The following PIK3R6 variants were observed in gnomAD, a reference collection of about 807,000 sequenced individuals.
The protein encoded by PIK3R6 is phosphoinositide 3-kinase regulatory subunit 6.
PIK3R6 carries 91 observed loss-of-function variants against 84.9 expected under a neutral mutation model. The ratio of observed to expected loss-of-function variants is 1.07; its 90% CI spans 0.90 to 1.28. The LOEUF (loss-of-function observed/expected upper bound fraction) is 1.28. Among genes scored for constraint, PIK3R6 ranks in the 50% most tolerant of loss-of-function variants. The probability of loss-of-function intolerance (pLI) is 0.00; values close to 1 mark genes in which losing one functional copy is unlikely to be tolerated. For missense variants in PIK3R6, 996 were observed against 985.1 expected (o/e 1.01, Z -0.15); for synonymous variants, 416 against 411.4 (o/e 1.01, Z -0.13).
In PIK3R6 at chr17:8,851,359, G is replaced by A. The variant is rs190809436; in HGVS notation, c.-91-1474C>T. 9.5e-3 allele frequency among the ~76,000 whole-genome samples: 1,451 copies of A among 152,216 alleles called. 15 individuals are homozygous for A. Among genetic ancestry groups the A allele is most frequent in the Middle Eastern group, 0.014 (4 of 294 alleles). On this transcript the variant is annotated intron_variant, in intron 1 of 19. Coordinates refer to ENST00000619866, the MANE Select transcript of PIK3R6 (RefSeq NM_001010855.4). The stretch of plus-strand genomic sequence containing the variant: ...AAAAATACAAAAATTAGCCGGGCGT[G>A]GTGGTGGGCGCCTGTAGTCCCAGCT...
intron 5 of PIK3R6, 136 bp from the exon 6 acceptor site, chr17:8,837,059 A>C (rs1597415187): frequency 1.5e-6 from 1 of 667,758 alleles, no homozygotes; most frequent in South Asian, 1.8e-5. Flanking sequence ...TAACAGCCAG[A>C]CCTGGGCTCA....
chr17:8,845,844 C>T (rs141728567), intron 2 of PIK3R6, among the ~76,000 whole-genome samples: 81 of 152,194 alleles, frequency 5.3e-4, no homozygotes, highest in Non-Finnish European at 8.2e-4. Flanking sequence ...AGCTGAGGCA[C>T]GAGAATCGCT....
chr17:8,829,203 G>GCA (rs201003788), intron 10 of PIK3R6, among the ~76,000 whole-genome samples: 6 of 128,796 alleles, frequency 4.7e-5, no homozygotes, highest in East Asian at 2.1e-4. Context: ...ACACACACGT[G>GCA]CACACACACA....
chr17:8,822,805 G>A lies in PIK3R6; in HGVS notation c.1718-148C>T, dbSNP rs566134843. On this transcript the variant is annotated intron_variant, in intron 15 of 19. Coordinates refer to ENST00000619866, the MANE Select transcript of PIK3R6 (RefSeq NM_001010855.4). The stretch of plus-strand genomic sequence containing the variant: ...GAAAGGTGACACCTCCGGGGGCCAG[G>A]ATGCCTTTCAGTCTTGTGGGGGTTG... 8.0e-6 allele frequency: 8 copies of A among 998,788 alleles called. No individual in the cohort carries two copies. The African/African-American group carries it at 1.2e-4, about 14-fold the overall frequency. 61.9% of individuals were successfully genotyped at this position (998,788 alleles called of 1,614,324 possible). A position where few individuals can be genotyped will look rare whatever the true frequency, so the allele number is the denominator to read the frequency against.
chr17:8,809,340 T>TA (rs1163914222), intron 18 of PIK3R6, among the ~76,000 whole-genome samples: 1 of 152,128 alleles, frequency 6.6e-6, no homozygotes, highest in African/African-American at 2.4e-5. Context: ...CTCATTGTCA[T>TA]AAAAACACAA....
chr17:8,864,529 CTTTTTTTTTTTTTTT>C (rs35714531), intron 1 of PIK3R6, among the ~76,000 whole-genome samples: 6 of 65,596 alleles, frequency 9.1e-5, no homozygotes, highest in African/African-American at 2.8e-4. Flanking sequence ...CTTCACAGCT[CTTTTTTTTTTTTTTT>C]TTTTTTTTTT....
Position 8,819,177 on chromosome 17 carries a change from G to C in PIK3R6, c.1901C>G (p.Pro634Arg), listed in dbSNP as rs758093890. ...GTCTGTGACAGGAGCAGCAGGCAGG[G>C]GGCAATGGCTAGACCCTGAAACTGA... ...DTEVSGSSHC[P>R]LPAAPVTDHT... is the part of the protein sequence containing the mutation. Residue 634 changes from proline (P) to arginine (R), a missense_variant, in exon 18 of 20, where the codon CCC (proline) becomes CGC (arginine). Coordinates refer to ENST00000619866, the MANE Select transcript of PIK3R6 (RefSeq NM_001010855.4). 6.2e-7 allele frequency: 1 copy of C among 1,609,242 alleles called. No homozygotes were observed. Among genetic ancestry groups the C allele is most frequent in the Non-Finnish European group, 8.5e-7 (1 of 1,177,538 alleles).
rs1381434210 is a variant in PIK3R6 at position 8,862,540 on chromosome 17, C to T, written c.-92+4989G>A. ...TGAGAAGGACATTGTGCCTCACTGACCTGGCAGCTACCTCTGTCACCTGGG... is the reference window on the plus strand; with the variant it reads ...TGAGAAGGACATTGTGCCTCACTGATCTGGCAGCTACCTCTGTCACCTGGG... On this transcript the variant is annotated intron_variant, in intron 1 of 19. Transcript: ENST00000619866. The surrounding 1 kb of genome is among the most constrained non-coding windows in gnomAD (Gnocchi z 4.3). Among the ~76,000 whole-genome samples the T allele has an allele frequency of 6.6e-6, 1 of 152,102 alleles. No homozygotes were observed. The highest frequency in any genetic ancestry group is 6.5e-5 in the Admixed American group (1 of 15,274).
At chr17:8,827,387 G>T in intron 12 of PIK3R6, 93 bp from the exon 13 acceptor site, 1 of 1,409,820 alleles carries the variant, frequency 7.1e-7, no homozygotes, top group Non-Finnish European at 9.4e-7. Context: ...ATATGGTCAA[G>T]TCATTTAACC....
intron 7 of PIK3R6, among the ~76,000 whole-genome samples, chr17:8,836,045 T>C (rs1299630181): frequency 5.9e-5 from 9 of 152,056 alleles, no homozygotes; most frequent in Non-Finnish European, 1.0e-4. Context: ...GAGGTGCCGC[T>C]CCCAACTTCA....
chr17:8,809,353 A>G (rs1430128202), intron 18 of PIK3R6, among the ~76,000 whole-genome samples: 1 of 152,236 alleles, frequency 6.6e-6, no homozygotes, highest in Non-Finnish European at 1.5e-5. Flanking sequence ...AAACACAAGA[A>G]AGTATAAAAC....
intron 1 of PIK3R6, among the ~76,000 whole-genome samples, chr17:8,864,004 T>C (rs2089344392): frequency 6.6e-6 from 1 of 152,064 alleles, no homozygotes; most frequent in African/African-American, 2.4e-5. Flanking sequence ...GGGACAGCGT[T>C]TGGGGTGCAA....
At position 8,829,877 on chromosome 17, in the gene PIK3R6, G is replaced by A. The variant is rs1013506916; in HGVS notation, c.803-85C>T. On this transcript the variant is annotated intron_variant, in intron 9 of 19. Transcript: ENST00000619866. Reference sequence around the variant, plus strand: ...TCCCCATCCTGCCCAGCTCCTGTGCGGGGTCTTAGAGAGGTGGCAGGGACT... The same window carrying A: ...TCCCCATCCTGCCCAGCTCCTGTGCAGGGTCTTAGAGAGGTGGCAGGGACT... 7.5e-5 allele frequency: 85 copies of A among 1,127,078 alleles called. 1 individual carries two copies. The highest frequency in any genetic ancestry group is 9.5e-5 in the Non-Finnish European group (75 of 791,978). The allele number at this position is 1,127,078 out of a possible 1,614,324, so 69.8% of individuals were successfully genotyped here.
chr17:8,840,168 T>TATAC (rs59867022), intron 2 of PIK3R6, among the ~76,000 whole-genome samples: 18,111 of 95,116 alleles, frequency 0.19, 4,371 homozygotes, highest in Non-Finnish European at 0.22. Flanking sequence ...ATATGAAATA[T>TATAC]AGCCTCCAAA....
intron 5 of PIK3R6, 118 bp from the exon 6 acceptor site, chr17:8,837,041 G>C (rs1024972505): frequency 2.6e-6 from 2 of 773,312 alleles, no homozygotes; most frequent in African/African-American, 1.7e-5. Flanking sequence ...GAGGTGGAAG[G>C]TCAGGCCTAA....
intron 18 of PIK3R6, among the ~76,000 whole-genome samples, chr17:8,808,089 G>C (rs754068851): frequency 2.6e-5 from 4 of 152,168 alleles, no homozygotes; most frequent in Non-Finnish European, 4.4e-5. Context: ...AAAGGAAAGT[G>C]AGGAAGAGGA....
intron 11 of PIK3R6, 38 bp from the exon 12 acceptor site, chr17:8,828,228 G>A: frequency 6.3e-7 from 1 of 1,596,840 alleles, no homozygotes; most frequent in African/African-American, 1.3e-5. Context: ...GTTAGGGGCG[G>A]GGCTTGGCTT....
At chr17:8,854,378 A>G (rs1243177388) in intron 1 of PIK3R6, among the ~76,000 whole-genome samples, 1 of 152,042 alleles carries the variant, frequency 6.6e-6, no homozygotes, top group African/African-American at 2.4e-5. Context: ...TGAACTCCTG[A>G]CCTCGTTATC....
In PIK3R6 at chr17:8,838,590, G is replaced by T; in HGVS notation, c.163C>A (p.Arg55Ser). The change falls in exon 4 of 20, where the codon CGC becomes AGC. Residue 55 changes from arginine to serine, a missense_variant. By Grantham distance (110) the Arg-to-Ser change is moderately radical (BLOSUM62 -1). Coordinates refer to ENST00000619866, the MANE Select transcript of PIK3R6 (RefSeq NM_001010855.4). ...RDPGKSPVLV[R>S]ILLRELEKAE... The stretch of plus-strand genomic sequence containing the variant: ...TTCTCCAGTTCTCTGAGAAGAATGC[G>T]GACCAGCACTGGGCTCTTACCGGGA... 6.2e-7 allele frequency: 1 copy of T among 1,605,468 alleles called. No homozygotes were observed. Among genetic ancestry groups the T allele is most frequent in the East Asian group, 2.2e-5 (1 of 44,568 alleles).
Sources: gnomAD v4.1 joint callset for allele counts (sites outside exome capture counted in the v4.1 genomes callset) on GRCh38, gnomAD v4.1.1 for gene constraint, Gnocchi (gnomAD v3.1) non-coding constraint, MANE v1.5 for transcripts, NCBI Gene and HGNC (gene_info 2026-07-23, HGNC 2026-07-21) for gene names.